Variants in SUSD4 observed in about 807,000 individuals in gnomAD.
SUSD4 encodes sushi domain containing 4, also known as sushi domain-containing protein 4.
Under a neutral mutation model 50.5 loss-of-function variants are expected in SUSD4, and 41 were observed. That is an observed-to-expected ratio of 0.81 (90% CI 0.63 to 1.05). SUSD4 has a LOEUF of 1.05. SUSD4 is among the 50% of genes least tolerant of loss of function. The pLI, the probability that SUSD4 is intolerant of heterozygous loss-of-function variation, is 0.00. For missense variants in SUSD4, 580 were observed against 634.7 expected (o/e 0.91, Z 0.93); for synonymous variants, 257 against 257.3 (o/e 1.00, Z 0.01).
At chr1:223,296,598 G>C (rs1005615925) in intron 2 of SUSD4, among the ~76,000 whole-genome samples, 31 of 152,142 alleles carry the variant, frequency 2.0e-4, no homozygotes, top group African/African-American at 7.2e-4. Context: ...ACACAAATAA[G>C]GGACACCCAG....
intron 3 of SUSD4, among the ~76,000 whole-genome samples, chr1:223,290,625 C>G (rs762987878): frequency 6.6e-6 from 1 of 152,054 alleles, no homozygotes; most frequent in Non-Finnish European, 1.5e-5. Context: ...TATGTACAAG[C>G]CCCTCCCTGC....
chr1:223,357,007 A>C (rs1196342176), intron 2 of SUSD4, among the ~76,000 whole-genome samples: 5 of 152,232 alleles, frequency 3.3e-5, no homozygotes, highest in African/African-American at 1.2e-4. Flanking sequence ...GAGAACCATC[A>C]GAAGGGAATG....
Position 223,229,561 on chromosome 1 carries a change from G to T in SUSD4, c.725-173C>A. The T allele has an allele frequency of 1.7e-6, 1 of 586,826 alleles. No individual in the cohort carries two copies. The highest frequency in any genetic ancestry group is 2.9e-6 in the Non-Finnish European group (1 of 349,514). The allele number at this position is 586,826 out of a possible 1,614,324, so 36.4% of individuals were successfully genotyped here. A position where few individuals can be genotyped will look rare whatever the true frequency, so the allele number is the denominator to read the frequency against. On this transcript the variant is annotated intron_variant, in intron 5 of 8. Transcript: ENST00000366878. The surrounding 1 kb of genome is among the most constrained non-coding windows in gnomAD (Gnocchi z 4.7). ...TCTTTTTTAGTATTTCATGGAAGGC[G>T]GAATGGAAGCCTGCTGTAATATTCT...
intron 3 of SUSD4, among the ~76,000 whole-genome samples, chr1:223,272,379 T>C (rs1388077339): frequency 6.6e-6 from 1 of 152,198 alleles, no homozygotes; most frequent in East Asian, 1.9e-4. Flanking sequence ...GCTTCTGGTA[T>C]CAATGGGGAT....
chr1:223,248,895 T>C (rs879357906), intron 5 of SUSD4, among the ~76,000 whole-genome samples: 9 of 152,128 alleles, frequency 5.9e-5, no homozygotes, highest in Non-Finnish European at 1.0e-4. Flanking sequence ...TGTGCCTAGT[T>C]TCGAAGCCAC....
intron 3 of SUSD4, among the ~76,000 whole-genome samples, chr1:223,291,884 T>C (rs1036341821): frequency 6.6e-6 from 1 of 152,214 alleles, no homozygotes; most frequent in Non-Finnish European, 1.5e-5. Context: ...GGGTAATTGC[T>C]AGAAGTGAAT....
rs540498938 is a variant in SUSD4, at chr1:223,261,100, T to C, written c.724+3530A>G. On this transcript the variant is annotated intron_variant, in intron 5 of 8. Coordinates refer to ENST00000366878, the MANE Select transcript of SUSD4 (RefSeq NM_017982.4). Reference sequence around the variant, plus strand: ...CCTCTGCCTGGCTCACTGGCTGAAGTGGGGTTCCATGGCCACGTGGGAGAC... The same window carrying C: ...CCTCTGCCTGGCTCACTGGCTGAAGCGGGGTTCCATGGCCACGTGGGAGAC... Among the ~76,000 whole-genome samples the C allele has an allele frequency of 3.7e-4, 57 of 152,144 alleles. No homozygotes were observed. The Middle Eastern group carries it at 0.01, about 27-fold the overall frequency.
chr1:223,289,954 A>G (rs969279185), intron 3 of SUSD4, among the ~76,000 whole-genome samples: 2 of 152,240 alleles, frequency 1.3e-5, no homozygotes, highest in African/African-American at 4.8e-5. Context: ...TGACCTTAAC[A>G]AAGTGAGTGA....
chr1:223,310,831 G>C (rs1406920348), intron 2 of SUSD4, among the ~76,000 whole-genome samples: 1 of 152,244 alleles, frequency 6.6e-6, no homozygotes, highest in Non-Finnish European at 1.5e-5. Flanking sequence ...CAGTCTCAAA[G>C]ATTCAAAATG....
rs780018229 is a variant in SUSD4 at position 223,229,291 on chromosome 1, G to A, written c.822C>T (p.Cys274=). The A allele has an allele frequency of 4.3e-6, 7 of 1,613,144 alleles. No homozygotes were observed. Among genetic ancestry groups the A allele is most frequent in the Middle Eastern group, 1.7e-4 (1 of 6,014 alleles). ...YNHGTVVEFY[C]DPGYSLTSDY... ...CGCTGGTGAGGCTGTAGCCAGGATC[G>A]CAGTAAAACTCCACCACAGTTCCGT... Residue 274 remains cysteine (C), a synonymous_variant, in exon 6 of 9, where the codon TGC becomes TGT. Transcript: ENST00000366878. This position sits in a 1 kb window ranked among gnomAD's most constrained non-coding sequence, Gnocchi z 4.7.
At chr1:223,338,270 G>A (rs546294111) in intron 2 of SUSD4, among the ~76,000 whole-genome samples, 15 of 152,302 alleles carry the variant, frequency 9.8e-5, no homozygotes, top group East Asian at 7.7e-4. Context: ...GAGTGAGGCC[G>A]GGAGCCGCTG....
chr1:223,363,294 A>T lies in SUSD4; in HGVS notation c.132T>A (p.Pro44=). The T allele has an allele frequency of 6.2e-7, 1 of 1,606,758 alleles. No homozygotes were observed. The highest frequency in any genetic ancestry group is 8.5e-7 in the Non-Finnish European group (1 of 1,176,808). ...GTCACTCACCGCCCGTGAGCTGTGC[A>T]GGGCCGAAGCACAGCGCCAGCTGAA... The part of the protein sequence containing the change: ...LWFQLALCFG[P]AQLTGGFDDL... The change falls in exon 2 of 9, where the codon CCT becomes CCA. Residue 44 remains proline (P), a synonymous_variant. Transcript: ENST00000366878.
At chr1:223,279,762 G>A (rs1428284315) in intron 3 of SUSD4, among the ~76,000 whole-genome samples, 1 of 152,134 alleles carries the variant, frequency 6.6e-6, no homozygotes, top group Non-Finnish European at 1.5e-5. Context: ...TCCTCGAGAA[G>A]AGCAACTCCA....
At chr1:223,349,600 T>C (rs760886616) in intron 2 of SUSD4, among the ~76,000 whole-genome samples, 3 of 152,208 alleles carry the variant, frequency 2.0e-5, no homozygotes, top group Middle Eastern at 3.2e-3. Flanking sequence ...ATGAAATGCA[T>C]GAATAGGTAA....
chr1:223,282,588 G>A (rs1558212468), intron 3 of SUSD4, among the ~76,000 whole-genome samples: 2 of 152,208 alleles, frequency 1.3e-5, no homozygotes, highest in Non-Finnish European at 2.9e-5. Context: ...CGAAATAAAA[G>A]AGGATATGAA....
At chr1:223,315,151 G>A (rs1468264683) in intron 2 of SUSD4, among the ~76,000 whole-genome samples, 1 of 152,220 alleles carries the variant, frequency 6.6e-6, no homozygotes, top group Non-Finnish European at 1.5e-5. Context: ...ATTCCTGGGT[G>A]TAAGCCAAGC....
intron 1 of SUSD4, 48 bp from the exon 2 acceptor site, chr1:223,363,508 G>A: frequency 1.4e-6 from 2 of 1,384,446 alleles, no homozygotes; most frequent in South Asian, 1.8e-5. Flanking sequence ...GTCCGGGCTC[G>A]GGGGCCACGC....
chr1:223,360,517 T>A (rs942973372), intron 2 of SUSD4, among the ~76,000 whole-genome samples: 16 of 152,200 alleles, frequency 1.1e-4, no homozygotes, highest in African/African-American at 3.6e-4. Context: ...GTCAGGCTCA[T>A]AAAAGCTTCC....
intron 5 of SUSD4, among the ~76,000 whole-genome samples, chr1:223,260,087 T>A (rs1163542398): frequency 6.6e-6 from 1 of 152,198 alleles, no homozygotes; most frequent in Non-Finnish European, 1.5e-5. Context: ...ATTTTACAAT[T>A]GTGATATCAT....
Sources: gnomAD v4.1 joint callset for allele counts (sites outside exome capture counted in the v4.1 genomes callset) on GRCh38, gnomAD v4.1.1 for gene constraint, Gnocchi (gnomAD v3.1) non-coding constraint, MANE v1.5 for transcripts, NCBI Gene and HGNC (gene_info 2026-07-23, HGNC 2026-07-21) for gene names.